CUBN: variants seen among roughly 807,000 people sequenced by gnomAD.
The protein encoded by CUBN is 460 kDa receptor.
In CUBN, 282 loss-of-function variants were observed where a neutral mutation model predicts 405.3. The observed-to-expected ratio is 0.70, with a 90% confidence interval of 0.63 to 0.77. The LOEUF (loss-of-function observed/expected upper bound fraction) is 0.77, where lower values mean the gene tolerates loss of function less well. Among genes scored for constraint, CUBN ranks in the 30% least tolerant of loss-of-function variants. The pLI is 0.00. For synonymous variants in CUBN, 1,684 were observed against 1,617.0 expected, an observed-to-expected ratio of 1.04 and a Z score of -0.99; for missense variants, 4,514 against 4,475.2, an observed-to-expected ratio of 1.01 and a Z score of -0.25.
At chr10:16,827,533 G>A (rs975648331) in intron 66 of CUBN, among the ~76,000 whole-genome samples, 1 of 152,182 alleles carries the variant, frequency 6.6e-6, no homozygotes, top group African/African-American at 2.4e-5. Context: ...TGATTACAAA[G>A]TCTAAGTGAT....
intron 22 of CUBN, among the ~76,000 whole-genome samples, chr10:17,059,246 T>A (rs1017188830): frequency 1.3e-5 from 2 of 152,128 alleles, no homozygotes; most frequent in Non-Finnish European, 2.9e-5. Flanking sequence ...CATTTTCAAA[T>A]AAGTTTTTGT....
At chr10:16,963,237 C>CAGGTTGGA (rs1441855540) in intron 31 of CUBN, among the ~76,000 whole-genome samples, 1 of 126,232 alleles carries the variant, frequency 7.9e-6, no homozygotes, top group African/African-American at 3.0e-5. Flanking sequence ...CTCTGTCACC[C>CAGGTTGGA]AGGTTGGAGT....
chr10:16,861,165 C>CTT (rs397845114), intron 59 of CUBN, among the ~76,000 whole-genome samples: 19 of 143,834 alleles, frequency 1.3e-4, no homozygotes, highest in Admixed American at 4.2e-4. Context: ...CAATGAATGC[C>CTT]TTTTTTTTTT....
intron 17 of CUBN, among the ~76,000 whole-genome samples, chr10:17,078,971 C>G (rs1426442454): frequency 1.3e-5 from 2 of 152,164 alleles, no homozygotes; most frequent in Non-Finnish European, 2.9e-5. Flanking sequence ...CCTTCAAACA[C>G]AGCAAAAATG....
In CUBN at chr10:16,828,805, GC is replaced by G; in HGVS notation, c.10763del (p.Gly3588AlafsTer5). 1 of 1,597,042 alleles carries G rather than the reference GC, an allele frequency of 6.3e-7. No homozygotes were observed. Among genetic ancestry groups the G allele is most frequent in the Non-Finnish European group, 8.6e-7 (1 of 1,164,488 alleles). On this transcript the variant is annotated frameshift_variant and splice_region_variant, in exon 66 of 67. Coordinates refer to ENST00000377833, the MANE Select transcript of CUBN (RefSeq NM_001081.4). LOFTEE classifies it low-confidence loss of function (END_TRUNC). ...AATATAAAATGTTTGTTTTACTCAC[GC>G]CTCCGCAGTATGGTCCAGAGGATGG... ...SSPSSGPYCGGDTSIAPFVAS... is the reference protein window; with the variant it reads ...SSPSSGPYCGXDTSIAPFVAS...
intron 6 of CUBN, among the ~76,000 whole-genome samples, chr10:17,120,007 G>C (rs34481294): frequency 1.3e-5 from 2 of 152,126 alleles, no homozygotes; most frequent in Non-Finnish European, 2.9e-5. Flanking sequence ...AGAGCTCAAA[G>C]AGTTAAAGAA....
chr10:17,105,459 T>G lies in CUBN; in HGVS notation c.1228A>C (p.Ile410Leu), dbSNP rs779194257. The G allele has an allele frequency of 2.8e-5, 43 of 1,541,166 alleles. No individual in the cohort carries two copies. The highest frequency in any genetic ancestry group is 3.6e-5 in the Non-Finnish European group (40 of 1,112,814). ...LSHPCLNGQC[I>L]DTVSGYFCKC... is the part of the protein sequence containing the mutation. ...CACAGGAAAAACAAAGGACTCACGA[T>G]GCATTGTCCATTTAGACAGGGGTGA... Residue 410 changes from isoleucine to leucine, a missense_variant and splice_region_variant, in exon 11 of 67, where the codon ATC (isoleucine) becomes CTC (leucine). By Grantham distance (5) the Ile-to-Leu change is conservative (BLOSUM62 2). Coordinates refer to ENST00000377833, the MANE Select transcript of CUBN (RefSeq NM_001081.4).
intron 58 of CUBN, among the ~76,000 whole-genome samples, chr10:16,873,707 G>A (rs1840422444): frequency 7.1e-6 from 1 of 139,972 alleles, no homozygotes. Flanking sequence ...GGGTGACAAA[G>A]TGAGACCTTC....
intron 23 of CUBN, among the ~76,000 whole-genome samples, chr10:17,046,419 A>C (rs1835133650): frequency 6.6e-6 from 1 of 152,220 alleles, no homozygotes; most frequent in Non-Finnish European, 1.5e-5. Flanking sequence ...CACGATAAAG[A>C]AACTATACTA....
At chr10:17,119,152 T>C (rs1424664616) in intron 6 of CUBN, among the ~76,000 whole-genome samples, 3 of 152,244 alleles carry the variant, frequency 2.0e-5, no homozygotes, top group Admixed American at 6.5e-5. Flanking sequence ...AACTAGATTA[T>C]CCTCATTGTT....
chr10:16,986,602 T>C (rs1231196154), intron 29 of CUBN, among the ~76,000 whole-genome samples: 1 of 152,128 alleles, frequency 6.6e-6, no homozygotes, highest in African/African-American at 2.4e-5. Context: ...GGAGCTGATG[T>C]TTGTGCACTC....
At chr10:17,062,012 T>C (rs1244713302) in intron 22 of CUBN, among the ~76,000 whole-genome samples, 1 of 152,134 alleles carries the variant, frequency 6.6e-6, no homozygotes, top group African/African-American at 2.4e-5. Context: ...CTGGAATAGA[T>C]TTGTGCTTCA....
At chr10:16,947,516 A>G (rs1842819764) in intron 35 of CUBN, 149 bp from the exon 36 acceptor site, 2 of 927,792 alleles carry the variant, frequency 2.2e-6, no homozygotes, top group Admixed American at 4.2e-5. Context: ...TGTCATATAA[A>G]ATAAGGGAAC....
At chr10:16,975,039 G>A (rs990203478) in intron 31 of CUBN, among the ~76,000 whole-genome samples, 6 of 151,916 alleles carry the variant, frequency 3.9e-5, no homozygotes, top group African/African-American at 1.2e-4. Context: ...TGGGGGACTT[G>A]AAAGTTGTAT....
rs1441823468 is a variant in CUBN, at chr10:16,839,766, C to T, written c.10032+564G>A. On this transcript the variant is annotated intron_variant, in intron 62 of 66. Coordinates refer to ENST00000377833, the MANE Select transcript of CUBN (RefSeq NM_001081.4). ...ATGCTGCTATAAAGACACATGCACACGTATGTTTATTGCGGCACTATTCAC... is the reference window on the plus strand; with the variant it reads ...ATGCTGCTATAAAGACACATGCACATGTATGTTTATTGCGGCACTATTCAC... 5.3e-5 allele frequency among the ~76,000 whole-genome samples: 8 copies of T among 151,664 alleles called. No homozygotes were observed. The South Asian group carries it at 1.7e-3, about 32-fold the overall frequency.
intron 39 of CUBN, 23 bp from the exon 40 acceptor site, chr10:16,933,307 T>A: frequency 6.2e-7 from 1 of 1,608,602 alleles, no homozygotes; most frequent in Non-Finnish European, 8.5e-7. Flanking sequence ...AAGCAACATC[T>A]TTGACACAGC....
At chr10:17,066,448 G>T (rs1048679520) in intron 21 of CUBN, among the ~76,000 whole-genome samples, 1 of 151,856 alleles carries the variant, frequency 6.6e-6, no homozygotes, top group East Asian at 1.9e-4. Flanking sequence ...CAAAAAGAGA[G>T]GAAATGTTGA....
intron 31 of CUBN, among the ~76,000 whole-genome samples, chr10:16,955,375 A>C (rs1843029983): frequency 2.6e-5 from 1 of 38,970 alleles, no homozygotes; most frequent in South Asian, 8.7e-4. Context: ...ATTCTGTCTC[A>C]AAAAAAAAAA....
rs79957250 is a variant in CUBN, at chr10:16,943,691, G to T, written c.5343-3454C>A. On this transcript the variant is annotated intron_variant, in intron 36 of 66. Coordinates refer to ENST00000377833, the MANE Select transcript of CUBN (RefSeq NM_001081.4). ...ATAATCCAGCAACATCGGCATCACC[G>T]GAGAGCTTGTTTGAAACAAGGAATC... Among the ~76,000 whole-genome samples, 765 of 152,216 alleles carry T rather than the reference G, an allele frequency of 5.0e-3. 4 individuals are homozygous for T. The highest frequency in any genetic ancestry group is 0.018 in the African/African-American group (729 of 41,534).
Sources: allele counts gnomAD v4.1 joint callset (sites outside exome capture counted in the v4.1 genomes callset), GRCh38; gene constraint gnomAD v4.1.1; transcripts MANE v1.5; gene names NCBI Gene and HGNC (gene_info 2026-07-23, HGNC 2026-07-21).